RHPN2: variants seen among roughly 807,000 people sequenced by gnomAD.
The protein encoded by RHPN2 is rhophilin Rho GTPase binding protein 2.
RHPN2 carries 40 observed loss-of-function variants against 79.0 expected under a neutral mutation model. That is an observed-to-expected ratio of 0.51 (90% confidence interval 0.39 to 0.66). RHPN2 has a LOEUF of 0.66. Among genes scored for constraint, RHPN2 ranks in the 30% least tolerant of loss-of-function variants. RHPN2 has a pLI of 0.00. For synonymous variants in RHPN2, 285 were observed against 363.5 expected, an observed-to-expected ratio of 0.78 and a Z score of 2.46; for missense variants, 686 against 883.5, an observed-to-expected ratio of 0.78 and a Z score of 2.83.
intron 2 of RHPN2, among the ~76,000 whole-genome samples, chr19:33,036,798 CT>C (rs1185023662): frequency 6.6e-6 from 1 of 152,158 alleles, no homozygotes; most frequent in Non-Finnish European, 1.5e-5. Flanking sequence ...AGCTGCTGTG[CT>C]CAATTTCTCG....
rs372566369 is a variant in RHPN2, at chr19:33,003,236, T to C, written c.761-236A>G. 1.1e-4 allele frequency among the ~76,000 whole-genome samples: 17 copies of C among 151,552 alleles called. No homozygotes were observed. In the East Asian group the frequency reaches 3.1e-3, roughly 28 times the overall value. ...AGCCGGGTGTGATGGTGTGCGACTA[T>C]AGTCTCAGCTCCTCTGGAGGCTGAG... On this transcript the variant is annotated intron_variant, in intron 7 of 14. Coordinates refer to ENST00000254260, the MANE Select transcript of RHPN2 (RefSeq NM_033103.5).
rs147967421 is a variant in RHPN2 at position 32,980,232 on chromosome 19, C to A, written c.1825G>T (p.Val609Leu). Residue 609 changes from valine to leucine, a missense_variant, in exon 15 of 15, where the codon GTG becomes TTG. Physicochemically the swap from Val to Leu is conservative, Grantham distance 32. Coordinates refer to ENST00000254260, the MANE Select transcript of RHPN2 (RefSeq NM_033103.5). ...SMHNKSATYS[V>L]GMQKTYSMIC... Reference sequence around the variant, plus strand: ...ATGGAGTACGTTTTCTGCATTCCCACGGAGTATGTGGCACTCTTATTATGC... The same window carrying A: ...ATGGAGTACGTTTTCTGCATTCCCAAGGAGTATGTGGCACTCTTATTATGC... 1 of 1,613,830 alleles carries A rather than the reference C, an allele frequency of 6.2e-7. No individual in the cohort carries two copies. The highest frequency in any genetic ancestry group is 8.5e-7 in the Non-Finnish European group (1 of 1,179,848).
At chr19:32,998,279 A>T (rs1971719054) in intron 10 of RHPN2, among the ~76,000 whole-genome samples, 1 of 152,206 alleles carries the variant, frequency 6.6e-6, no homozygotes, top group Non-Finnish European at 1.5e-5. Flanking sequence ...GCAGGATTAA[A>T]GTGGCCAGAT....
chr19:33,062,494 G>A (rs932925080), intron 1 of RHPN2, among the ~76,000 whole-genome samples: 1 of 150,186 alleles, frequency 6.7e-6, no homozygotes, highest in Non-Finnish European at 1.5e-5. Context: ...CTGTAGCCGG[G>A]CGCAGTGGCT....
rs1007246815 is a variant in RHPN2 at position 33,064,027 on chromosome 19, C to A, written c.69+757G>T. 7.9e-5 allele frequency among the ~76,000 whole-genome samples: 12 copies of A among 152,316 alleles called. No individual in the cohort carries two copies. In the East Asian group the frequency reaches 2.1e-3, roughly 27 times the overall value. ...CTCCCTGAAAAGTCCCACAGGCGGA[C>A]TTTGGAAGCATTTTGGAGGCAAAAA... On this transcript the variant is annotated intron_variant, in intron 1 of 14. Coordinates refer to ENST00000254260, the MANE Select transcript of RHPN2 (RefSeq NM_033103.5).
chr19:33,006,057 T>G (rs1456971840), intron 7 of RHPN2, among the ~76,000 whole-genome samples: 1 of 152,030 alleles, frequency 6.6e-6, no homozygotes, highest in Non-Finnish European at 1.5e-5. Flanking sequence ...CTTTTGTACT[T>G]TTTGTAGAGA....
At chr19:33,035,208 C>G (rs1212895833) in intron 2 of RHPN2, among the ~76,000 whole-genome samples, 1 of 151,996 alleles carries the variant, frequency 6.6e-6, no homozygotes. Context: ...CTCAAGTGAT[C>G]CACCTGCCTC....
rs150116057 is a variant in RHPN2 at position 32,991,949 on chromosome 19, C to T, written c.1518G>A (p.Ser506=). ...GAGGAGGCGTCCACCGCTTGTTAGC[C>T]GAAAACACAGATAAGGGGCCCTTTG... ...FQKLGPLSVF[S]ANKRWTPPRS... Residue 506 remains serine, a synonymous_variant, in exon 13 of 15, where the codon TCG becomes TCA. Transcript: ENST00000254260. The T allele has an allele frequency of 1.2e-3, 1,960 of 1,613,902 alleles. 2 individuals carry two copies. Among genetic ancestry groups the T allele is most frequent in the Non-Finnish European group, 1.3e-3 (1,572 of 1,179,848 alleles).
intron 2 of RHPN2, 64 bp downstream of exon 2, chr19:33,044,185 C>G: frequency 2.4e-6 from 3 of 1,256,990 alleles, no homozygotes; most frequent in East Asian, 2.3e-5. Flanking sequence ...AAGAGCCTGG[C>G]CTGGGAGTTT....
intron 6 of RHPN2, 136 bp from the exon 7 acceptor site, chr19:33,008,316 A>G: frequency 1.2e-6 from 1 of 833,764 alleles, no homozygotes. Flanking sequence ...CAGTGGTGTG[A>G]TCATAGCTTA....
At chr19:33,056,504 C>G (rs538808658) in intron 1 of RHPN2, among the ~76,000 whole-genome samples, 177 of 152,202 alleles carry the variant, frequency 1.2e-3, no homozygotes, top group African/African-American at 3.9e-3. Context: ...GAATCTCTAT[C>G]AGGATGCAGC....
intron 13 of RHPN2, 162 bp from the exon 14 acceptor site, chr19:32,990,831 A>C (rs931766251): frequency 2.0e-5 from 14 of 690,002 alleles, no homozygotes; most frequent in South Asian, 1.7e-5. Flanking sequence ...GTAGTTCAAG[A>C]CCAGCCTGTA....
chr19:32,991,120 G>A lies in RHPN2; in HGVS notation c.1645-451C>T, dbSNP rs528449786. 1.6e-4 allele frequency among the ~76,000 whole-genome samples: 24 copies of A among 151,634 alleles called. 1 individual carries two copies. The East Asian group carries it at 2.5e-3, about 16-fold the overall frequency. The stretch of plus-strand genomic sequence containing the variant: ...ACAGAATACTTGAGGCCAGGAGTTC[G>A]AGACCAGCCTGGCCAACATGGCAAA... On this transcript the variant is annotated intron_variant, in intron 13 of 14. Transcript: ENST00000254260.
At chr19:32,995,979 C>T (rs368107356) in intron 11 of RHPN2, 47 bp downstream of exon 11, 25 of 1,601,518 alleles carry the variant, frequency 1.6e-5, no homozygotes, top group African/African-American at 9.4e-5. Context: ...GTACTCTTTC[C>T]GCGGCACAGG....
In RHPN2 at chr19:32,983,055, TACACACAC is replaced by T. The variant is rs57230466; in HGVS notation, c.1801-2807_1801-2800del. Among the ~76,000 whole-genome samples, 650 of 103,376 alleles carry T rather than the reference TACACACAC, an allele frequency of 6.3e-3. 4 individuals carry two copies. Among genetic ancestry groups the T allele is most frequent in the African/African-American group, 7.5e-3 (199 of 26,374 alleles). 67.8% of individuals were successfully genotyped at this position (103,376 alleles called of 152,430 possible). A position where few individuals can be genotyped will look rare whatever the true frequency, so the allele number is the denominator to read the frequency against. On this transcript the variant is annotated intron_variant, in intron 14 of 14. Transcript: ENST00000254260. ...CAGGCACCCTTGCCTCCCAGATCTC[TACACACAC>T]ACACACACACACACACACACACACA...
Position 32,980,006 on chromosome 19 carries a change from G to C in RHPN2, c.2051C>G (p.Ser684Cys). Reference protein sequence around the residue: ...SPFSLLNSDSSWY With the variant: ...SPFSLLNSDSCWY ...GTTTGTTTCCTCACATTAGTACCAA[G>C]AACTGTCTGAGTTGAGAAGGCTGAA... Residue 684 changes from serine to cysteine, a missense_variant, in exon 15 of 15, where the codon TCT becomes TGT. Transcript: ENST00000254260. 1 of 1,613,922 alleles carries C rather than the reference G, an allele frequency of 6.2e-7. No individual in the cohort carries two copies. The highest frequency in any genetic ancestry group is 8.5e-7 in the Non-Finnish European group (1 of 1,179,860).
chr19:32,980,215 C>T lies in RHPN2; in HGVS notation c.1842G>A (p.Thr614=), dbSNP rs565912737. ...SATYSVGMQK[T]YSMICLAIDD... The stretch of plus-strand genomic sequence containing the variant: ...CAATGGCTAAGCAGATCATGGAGTA[C>T]GTTTTCTGCATTCCCACGGAGTATG... The change falls in exon 15 of 15, where the codon ACG becomes ACA. Residue 614 remains threonine, a synonymous_variant. Transcript: ENST00000254260. 3.8e-5 allele frequency: 61 copies of T among 1,613,812 alleles called. No homozygotes were observed. The South Asian group carries it at 3.8e-4, about 10-fold the overall frequency.
rs148717915 is a variant in RHPN2, at chr19:32,980,074, G to C, written c.1983C>G (p.Val661=). ...KSASTLCLPS[V]GAARPQVKKK... ...TCTTGACCTGAGGCCGTGCAGCCCCGACCGATGGGAGGCACAAGGTGCTGG... is the reference window on the plus strand; with the variant it reads ...TCTTGACCTGAGGCCGTGCAGCCCCCACCGATGGGAGGCACAAGGTGCTGG... Residue 661 remains valine, a synonymous_variant, in exon 15 of 15, where the codon GTC becomes GTG. Transcript: ENST00000254260. 1.6e-5 allele frequency: 26 copies of C among 1,613,714 alleles called. No individual in the cohort carries two copies. The highest frequency in any genetic ancestry group is 4.0e-5 in the African/African-American group (3 of 74,906).
intron 6 of RHPN2, among the ~76,000 whole-genome samples, chr19:33,009,038 TG>T (rs2145236288): frequency 6.6e-6 from 1 of 151,288 alleles, no homozygotes; most frequent in South Asian, 2.1e-4. Flanking sequence ...ATACGCTGTG[TG>T]ATTCCAACAT....
Sources: allele counts gnomAD v4.1 joint callset (sites outside exome capture counted in the v4.1 genomes callset), GRCh38; gene constraint gnomAD v4.1.1; transcripts MANE v1.5; gene names NCBI Gene and HGNC (gene_info 2026-07-23, HGNC 2026-07-21).